Variants in CHMP4B observed in about 807,000 individuals in gnomAD.
CHMP4B encodes the protein charged multivesicular body protein 4B.
Under a neutral mutation model 25.1 loss-of-function variants are expected in CHMP4B, and 1 was observed. The ratio of observed to expected loss-of-function variants is 0.04; its 90% CI spans 0.01 to 0.19. CHMP4B has a LOEUF of 0.19. Ranked by LOEUF, CHMP4B falls within the 10% of genes least tolerant of loss-of-function variation. CHMP4B has a pLI of 1.00. For synonymous variants in CHMP4B, 101 were observed against 115.6 expected, an observed-to-expected ratio of 0.87 and a Z score of 0.81; for missense variants, 151 against 289.7, an observed-to-expected ratio of 0.52 and a Z score of 3.48.
rs113796576 is a variant in CHMP4B at position 33,835,038 on chromosome 20, C to T, written c.191-13429C>T. Among the ~76,000 whole-genome samples, 381 of 152,234 alleles carry T rather than the reference C, an allele frequency of 2.5e-3. 2 individuals carry two copies. The highest frequency in any genetic ancestry group is 8.5e-3 in the African/African-American group (354 of 41,546). Reference sequence around the variant, plus strand: ...CTTGAACTCCTGACCTCAAGGGATCCGCCCGCCTCGGCCTCCCAAAATGCT... The same window carrying T: ...CTTGAACTCCTGACCTCAAGGGATCTGCCCGCCTCGGCCTCCCAAAATGCT... On this transcript the variant is annotated intron_variant, in intron 1 of 4. Coordinates refer to ENST00000217402, the MANE Select transcript of CHMP4B (RefSeq NM_176812.5).
chr20:33,844,719 G>T (rs1168021674), intron 1 of CHMP4B, among the ~76,000 whole-genome samples: 2 of 152,040 alleles, frequency 1.3e-5, no homozygotes, highest in Non-Finnish European at 2.9e-5. Flanking sequence ...GCTACACTCG[G>T]GATGCTGAAA....
intron 1 of CHMP4B, among the ~76,000 whole-genome samples, chr20:33,841,291 T>C (rs898095504): frequency 6.6e-6 from 1 of 152,132 alleles, no homozygotes; most frequent in Non-Finnish European, 1.5e-5. Flanking sequence ...CTAAATGGAG[T>C]GCATTAGCTC....
intron 1 of CHMP4B, among the ~76,000 whole-genome samples, chr20:33,835,043 G>T (rs1364999330): frequency 6.6e-6 from 1 of 152,054 alleles, no homozygotes; most frequent in South Asian, 2.1e-4. Flanking sequence ...GGATCCGCCC[G>T]CCTCGGCCTC....
At chr20:33,849,494 C>T (rs938369348) in intron 2 of CHMP4B, among the ~76,000 whole-genome samples, 2 of 151,934 alleles carry the variant, frequency 1.3e-5, no homozygotes, top group African/African-American at 2.4e-5. Flanking sequence ...CAGCTACTGG[C>T]GGCTGAGGCA....
chr20:33,832,039 G>C (rs1465928026), intron 1 of CHMP4B, among the ~76,000 whole-genome samples: 1 of 152,170 alleles, frequency 6.6e-6, no homozygotes, highest in African/African-American at 2.4e-5. Flanking sequence ...AGCATAAAAG[G>C]CTGGTTGGGT....
rs1383142040 is a variant in CHMP4B, at chr20:33,811,451, G to A, written c.-18G>A. 2 of 1,498,104 alleles carry A rather than the reference G, an allele frequency of 1.3e-6. No individual in the cohort carries two copies. Among genetic ancestry groups the A allele is most frequent in the Admixed American group, 2.3e-5 (1 of 42,560 alleles). The allele number at this position is 1,498,104 out of a possible 1,614,324, so 92.8% of individuals were successfully genotyped here. On this transcript the variant is annotated 5_prime_UTR_variant, in exon 1 of 5. Transcript: ENST00000217402. Reference sequence around the variant, plus strand: ...GAGCCGGAGCGGGCGGCGAAGGCCGGCGCGGCGAGCAGCAACCATGTCGGT... The same window carrying A: ...GAGCCGGAGCGGGCGGCGAAGGCCGACGCGGCGAGCAGCAACCATGTCGGT...
chr20:33,846,339 G>T (rs999679481), intron 1 of CHMP4B, among the ~76,000 whole-genome samples: 2 of 152,214 alleles, frequency 1.3e-5, no homozygotes, highest in Non-Finnish European at 2.9e-5. Context: ...GCTAACAGAA[G>T]ATGAGAGTGA....
At chr20:33,825,077 T>A (rs1979057095) in intron 1 of CHMP4B, among the ~76,000 whole-genome samples, 2 of 152,218 alleles carry the variant, frequency 1.3e-5, no homozygotes, top group African/African-American at 4.8e-5. Flanking sequence ...TCTAGAGGTC[T>A]GGCTAGGGCT....
chr20:33,832,824 G>C (rs922068190), intron 1 of CHMP4B, among the ~76,000 whole-genome samples: 1 of 149,976 alleles, frequency 6.7e-6, no homozygotes, highest in African/African-American at 2.5e-5. Flanking sequence ...TGTTGCCCAG[G>C]CTGGAGTGCA....
chr20:33,850,894 C>CA, intron 2 of CHMP4B, 58 bp from the exon 3 acceptor site: 1 of 1,275,592 alleles, frequency 7.8e-7, no homozygotes, highest in Non-Finnish European at 1.1e-6. Flanking sequence ...CCTTGCCTTG[C>CA]AGGCCCCCTT....
Position 33,848,060 on chromosome 20 carries a change from T to G in CHMP4B, c.191-407T>G, listed in dbSNP as rs183807187. ...TGAGAGGCATACACACTGATGAATGTGCCAGGTGTTTACATACAGTATGTC... is the reference window on the plus strand; with the variant it reads ...TGAGAGGCATACACACTGATGAATGGGCCAGGTGTTTACATACAGTATGTC... On this transcript the variant is annotated intron_variant, in intron 1 of 4. Coordinates refer to ENST00000217402, the MANE Select transcript of CHMP4B (RefSeq NM_176812.5). Among the ~76,000 whole-genome samples, 6 of 152,316 alleles carry G rather than the reference T, an allele frequency of 3.9e-5. No homozygotes were observed. The East Asian group carries it at 1.2e-3, about 29-fold the overall frequency.
chr20:33,834,959 C>G (rs572263124), intron 1 of CHMP4B, among the ~76,000 whole-genome samples: 1 of 151,934 alleles, frequency 6.6e-6, no homozygotes, highest in Non-Finnish European at 1.5e-5. Flanking sequence ...CACGCCACCA[C>G]GCCCAGCTAA....
At chr20:33,821,259 C>T (rs1332048368) in intron 1 of CHMP4B, among the ~76,000 whole-genome samples, 4 of 151,930 alleles carry the variant, frequency 2.6e-5, no homozygotes, top group South Asian at 2.1e-4. Flanking sequence ...TGGTGGCAGG[C>T]GCCTGTAATC....
chr20:33,842,310 A>C (rs938938710), intron 1 of CHMP4B, among the ~76,000 whole-genome samples: 3 of 152,070 alleles, frequency 2.0e-5, no homozygotes, highest in African/African-American at 7.2e-5. Flanking sequence ...ATGGCCGTAG[A>C]CTTGATTTTG....
At chr20:33,852,004 A>G (rs190411448) in intron 3 of CHMP4B, 73 bp from the exon 4 acceptor site, 1,149 of 1,601,042 alleles carry the variant, frequency 7.2e-4, no homozygotes, top group Non-Finnish European at 8.8e-4. Flanking sequence ...ATGAGCATTA[A>G]TTAGGTAGGA....
At position 33,853,676 on chromosome 20, in the gene CHMP4B, C is replaced by T. The variant is rs1476740699; in HGVS notation, c.*116C>T. 28 of 895,080 alleles carry T rather than the reference C, an allele frequency of 3.1e-5. No homozygotes were observed. Among genetic ancestry groups the T allele is most frequent in the Non-Finnish European group, 4.6e-5 (25 of 548,728 alleles). The allele number at this position is 895,080 out of a possible 1,614,324, so 55.4% of individuals were successfully genotyped here. On this transcript the variant is annotated 3_prime_UTR_variant, in exon 5 of 5. Coordinates refer to ENST00000217402, the MANE Select transcript of CHMP4B (RefSeq NM_176812.5). ...CAGGCAGGTTCCATCGCTTTCGACT[C>T]TCACTCCAAAGCAGTAGGGCCGCGT...
intron 1 of CHMP4B, among the ~76,000 whole-genome samples, chr20:33,846,777 G>T (rs1366099006): frequency 6.6e-6 from 1 of 152,178 alleles, no homozygotes; most frequent in African/African-American, 2.4e-5. Flanking sequence ...AGAACTCCAG[G>T]ACATGGGGGA....
chr20:33,813,729 G>T (rs1601314037), intron 1 of CHMP4B, among the ~76,000 whole-genome samples: 1 of 151,930 alleles, frequency 6.6e-6, no homozygotes, highest in East Asian at 1.9e-4. Context: ...TTTTTTGTTT[G>T]TTTGTTTGTT....
chr20:33,846,055 C>T (rs1007505060), intron 1 of CHMP4B, among the ~76,000 whole-genome samples: 7 of 152,318 alleles, frequency 4.6e-5, no homozygotes, highest in African/African-American at 1.4e-4. Flanking sequence ...TTTGCATTCC[C>T]TCTTCTGTGT....
Sources: allele counts gnomAD v4.1 joint callset (sites outside exome capture counted in the v4.1 genomes callset), GRCh38; gene constraint gnomAD v4.1.1; transcripts MANE v1.5; gene names NCBI Gene and HGNC (gene_info 2026-07-23, HGNC 2026-07-21).